SLC4A10: variants seen among roughly 807,000 people sequenced by gnomAD.
SLC4A10 encodes the protein solute carrier family 4 member 10, also known as sodium-driven chloride bicarbonate exchanger.
A neutral mutation model predicts 137.7 loss-of-function variants in SLC4A10; 42 were observed. That is an observed-to-expected ratio of 0.30 (90% CI 0.24 to 0.39). The LOEUF is 0.39. Ranked by LOEUF, SLC4A10 falls within the 10% of genes least tolerant of loss-of-function variation. The pLI is 1.00. For missense variants in SLC4A10, 925 were observed against 1,355.0 expected (o/e 0.68, Z 4.98); for synonymous variants, 474 against 464.1 (o/e 1.02, Z -0.27).
intron 23 of SLC4A10, 37 bp from the exon 24 acceptor site, chr2:161,974,212 C>T: frequency 6.6e-7 from 1 of 1,513,806 alleles, no homozygotes; most frequent in Non-Finnish European, 9.0e-7. Context: ...GGAGACTCAT[C>T]AGGTTCACTT....
intron 21 of SLC4A10, among the ~76,000 whole-genome samples, chr2:161,959,617 A>G (rs185440842): frequency 2.0e-5 from 3 of 152,320 alleles, no homozygotes; most frequent in Admixed American, 6.5e-5. Flanking sequence ...AAAGAGAGAG[A>G]GAGAGATAGA....
chr2:161,718,449 T>C (rs1458353803), intron 1 of SLC4A10, among the ~76,000 whole-genome samples: 1 of 152,180 alleles, frequency 6.6e-6, no homozygotes, highest in Admixed American at 6.5e-5. Flanking sequence ...GTGCTATAAA[T>C]TTCCCTCTTA....
intron 1 of SLC4A10, among the ~76,000 whole-genome samples, chr2:161,693,867 G>A (rs144360444): frequency 1.2e-3 from 189 of 151,290 alleles, no homozygotes; most frequent in African/African-American, 4.5e-3. Flanking sequence ...CTATCCATTC[G>A]TACATCCATG....
intron 2 of SLC4A10, among the ~76,000 whole-genome samples, chr2:161,774,570 C>G (rs2052076675): frequency 6.6e-6 from 1 of 151,778 alleles, no homozygotes; most frequent in Non-Finnish European, 1.5e-5. Context: ...GGAGCTGCCT[C>G]TTGCCTATAG....
intron 1 of SLC4A10, among the ~76,000 whole-genome samples, chr2:161,699,022 T>C: frequency 6.6e-6 from 1 of 152,088 alleles, no homozygotes; most frequent in Non-Finnish European, 1.5e-5. Context: ...TTTATTTTAT[T>C]ATTATTATTT....
At chr2:161,838,959 G>GA (rs1418741398) in intron 3 of SLC4A10, among the ~76,000 whole-genome samples, 2 of 152,104 alleles carry the variant, frequency 1.3e-5, no homozygotes, top group Non-Finnish European at 2.9e-5. Flanking sequence ...CCTACTTCTA[G>GA]GTATTTACCC....
intron 1 of SLC4A10, among the ~76,000 whole-genome samples, chr2:161,734,033 T>C (rs1459942937): frequency 1.3e-5 from 2 of 152,210 alleles, no homozygotes; most frequent in Non-Finnish European, 2.9e-5. Context: ...GTAACTAGCT[T>C]GCTTTTGATT....
chr2:161,829,944 TG>T (rs1439317761), intron 3 of SLC4A10, among the ~76,000 whole-genome samples: 4 of 152,118 alleles, frequency 2.6e-5, no homozygotes, highest in Non-Finnish European at 5.9e-5. Context: ...GGGAACAGTA[TG>T]GGGAAACTGT....
chr2:161,643,573 A>G (rs2035602451), intron 1 of SLC4A10, among the ~76,000 whole-genome samples: 1 of 152,190 alleles, frequency 6.6e-6, no homozygotes, highest in South Asian at 2.1e-4. Context: ...TATATCTTAC[A>G]TATGACAAAA....
chr2:161,760,728 G>A (rs2050168874), intron 1 of SLC4A10, among the ~76,000 whole-genome samples: 1 of 152,050 alleles, frequency 6.6e-6, no homozygotes, highest in African/African-American at 2.4e-5. Flanking sequence ...ATGATTGAGT[G>A]TCACTTATTG....
chr2:161,891,434 A>G (rs147755264), intron 10 of SLC4A10, among the ~76,000 whole-genome samples: 219 of 152,236 alleles, frequency 1.4e-3, no homozygotes, highest in African/African-American at 3.9e-3. Context: ...AGGTACACCA[A>G]TCAAACGTAG....
intron 3 of SLC4A10, among the ~76,000 whole-genome samples, chr2:161,833,600 A>G (rs780817732): frequency 7.0e-4 from 107 of 152,338 alleles, no homozygotes; most frequent in Non-Finnish European, 9.9e-4. Context: ...CAGCAGGTAC[A>G]TCTATCTAGT....
intron 1 of SLC4A10, among the ~76,000 whole-genome samples, chr2:161,667,136 T>C (rs1415301273): frequency 6.6e-6 from 1 of 151,676 alleles, no homozygotes; most frequent in African/African-American, 2.4e-5. Context: ...TGTTGAGAGA[T>C]ATAATCGAGC....
intron 2 of SLC4A10, among the ~76,000 whole-genome samples, chr2:161,792,272 T>C (rs1233874263): frequency 1.3e-5 from 2 of 152,156 alleles, no homozygotes; most frequent in East Asian, 3.8e-4. Context: ...ACATTAAATA[T>C]AATCCTATAC....
intron 22 of SLC4A10, among the ~76,000 whole-genome samples, 155 bp downstream of exon 22, chr2:161,964,463 T>A (rs926749508): frequency 1.3e-5 from 2 of 152,176 alleles, no homozygotes; most frequent in African/African-American, 4.8e-5. Context: ...AAGATAGGGT[T>A]TAAGAATGCC....
At chr2:161,691,423 T>C (rs2041990788) in intron 1 of SLC4A10, among the ~76,000 whole-genome samples, 1 of 151,904 alleles carries the variant, frequency 6.6e-6, no homozygotes, top group Non-Finnish European at 1.5e-5. Context: ...AGAGTGACTA[T>C]AGTCAAAATA....
chr2:161,817,907 G>A (rs533899686), intron 3 of SLC4A10, among the ~76,000 whole-genome samples: 398 of 151,834 alleles, frequency 2.6e-3, no homozygotes, highest in African/African-American at 9.1e-3. Flanking sequence ...TTGAAGTCAG[G>A]TAGCGTGATG....
At chr2:161,799,100 G>A (rs544978097) in intron 2 of SLC4A10, among the ~76,000 whole-genome samples, 2 of 151,266 alleles carry the variant, frequency 1.3e-5, no homozygotes, top group Non-Finnish European at 3.0e-5. Flanking sequence ...TATCTAAATG[G>A]TTTTGTATTT....
intron 2 of SLC4A10, among the ~76,000 whole-genome samples, chr2:161,802,004 C>T (rs530912943): frequency 6.6e-6 from 1 of 152,158 alleles, no homozygotes; most frequent in East Asian, 1.9e-4. Flanking sequence ...TAGGACCAGA[C>T]ACATATATGT....
Sources: gnomAD v4.1 joint callset for allele counts (sites outside exome capture counted in the v4.1 genomes callset) on GRCh38, gnomAD v4.1.1 for gene constraint, MANE v1.5 for transcripts, NCBI Gene and HGNC (gene_info 2026-07-23, HGNC 2026-07-21) for gene names.